Variants in UGT1A6 observed in about 807,000 individuals in gnomAD.
UGT1A6 encodes the protein UDP glucuronosyltransferase family 1 member A6, also known as UDP-glucuronosyltransferase 1A6.
Under a neutral mutation model 44.4 loss-of-function variants are expected in UGT1A6, and 32 were observed. The observed-to-expected ratio is 0.72, with a 90% CI of 0.54 to 0.97. The LOEUF is 0.97. Among genes scored for constraint, UGT1A6 ranks in the 50% least tolerant of loss-of-function variants. The probability of loss-of-function intolerance (pLI) is 0.00; values close to 1 mark genes in which losing one functional copy is unlikely to be tolerated. For missense variants in UGT1A6, 685 were observed against 661.9 expected (o/e 1.03, Z -0.38); for synonymous variants, 238 against 248.5 (o/e 0.96, Z 0.40).
chr2:233,708,355 T>C (rs1440187432), intron 1 of UGT1A6: 1 of 152,252 alleles, frequency 6.6e-6, no homozygotes, highest in African/African-American at 2.4e-5. Flanking sequence ...ATTTCCCTTA[T>C]TAATTCTTCA....
intron 1 of UGT1A6, among the ~76,000 whole-genome samples, chr2:233,766,364 G>C (rs1381103193): frequency 6.6e-6 from 1 of 152,144 alleles, no homozygotes; most frequent in Non-Finnish European, 1.5e-5. Flanking sequence ...GTGCCTGTTG[G>C]TGAGTTCTTC....
At chr2:233,692,792 T>C, upstream of UGT1A6, 3 of 1,374,468 alleles carry the variant, frequency 2.2e-6, no homozygotes, top group Non-Finnish European at 9.4e-7. Context: ...AGGTGAAAGC[T>C]GACACGGCCA....
intron 1 of UGT1A6, chr2:233,761,093 T>G: frequency 6.2e-7 from 1 of 1,614,222 alleles, no homozygotes; most frequent in Non-Finnish European, 8.5e-7. Flanking sequence ...AGGCCCATCA[T>G]GCCCAATATG....
chr2:233,695,475 G>C (rs1417810733), intron 1 of UGT1A6, among the ~76,000 whole-genome samples: 1 of 151,104 alleles, frequency 6.6e-6, no homozygotes, highest in Non-Finnish European at 1.5e-5. Flanking sequence ...CCCTTTAGAT[G>C]TTTTTCTCTT....
chr2:233,753,853 A>G (rs1695329798), intron 1 of UGT1A6, among the ~76,000 whole-genome samples: 1 of 152,184 alleles, frequency 6.6e-6, no homozygotes, highest in Non-Finnish European at 1.5e-5. Flanking sequence ...TCATTGACCA[A>G]CCACATAACC....
chr2:233,701,749 G>A (rs1406078090), intron 1 of UGT1A6, among the ~76,000 whole-genome samples: 1 of 152,128 alleles, frequency 6.6e-6, no homozygotes, highest in Admixed American at 6.5e-5. Flanking sequence ...TAACTACTGG[G>A]TACATAACGA....
At chr2:233,699,964 G>C (rs985933821) in intron 1 of UGT1A6, among the ~76,000 whole-genome samples, 1 of 152,126 alleles carries the variant, frequency 6.6e-6, no homozygotes, top group Non-Finnish European at 1.5e-5. Flanking sequence ...AAAAATACCC[G>C]TCCCCCAACT....
chr2:233,768,231 A>T lies in UGT1A6; in HGVS notation c.1093A>T (p.Thr365Ser). ...PQNDLLGHPM[T>S]RAFITHAGSH... ...ATTTTGCATCTCAGGTCACCCGATG[A>T]CCCGTGCCTTTATCACCCATGCTGG... The change falls in exon 4 of 5, where the codon ACC (threonine) becomes TCC (serine). Residue 365 changes from threonine to serine, a missense_variant. Physicochemically the swap from Thr to Ser is moderately conservative, Grantham distance 58. Coordinates refer to ENST00000305139, the MANE Select transcript of UGT1A6 (RefSeq NM_001072.4). 1 of 1,614,162 alleles carries T rather than the reference A, an allele frequency of 6.2e-7. No individual in the cohort carries two copies. Among genetic ancestry groups the T allele is most frequent in the Middle Eastern group, 1.6e-4 (1 of 6,062 alleles).
chr2:233,694,649 T>G (rs1417184018), intron 1 of UGT1A6, among the ~76,000 whole-genome samples: 3 of 152,220 alleles, frequency 2.0e-5, no homozygotes, highest in African/African-American at 7.2e-5. Context: ...TTCCAGTTCC[T>G]TTTTTATCAG....
chr2:233,760,379 T>G lies in UGT1A6; in HGVS notation c.862-6655T>G. On this transcript the variant is annotated intron_variant, in intron 1 of 4. Transcript: ENST00000305139. Reference sequence around the variant, plus strand: ...GTGGTGTCCCATGCTGGGAAGATACTGTTGATCCCAGTGGATGGCAGCCAC... The same window carrying G: ...GTGGTGTCCCATGCTGGGAAGATACGGTTGATCCCAGTGGATGGCAGCCAC... 6.2e-7 allele frequency: 1 copy of G among 1,614,196 alleles called. No homozygotes were observed. Among genetic ancestry groups the G allele is most frequent in the Non-Finnish European group, 8.5e-7 (1 of 1,180,016 alleles).
In UGT1A6 at chr2:233,713,489, G is replaced by A. The variant is rs17868332; in HGVS notation, c.861+19624G>A. On this transcript the variant is annotated intron_variant, in intron 1 of 4. Transcript: ENST00000305139. ...CGGCGGTGCTGGCTAAGTACCTGTC[G>A]ATTCCTGCTGTGTTTTTCTTGAGGA... 26 of 1,613,820 alleles carry A rather than the reference G, an allele frequency of 1.6e-5. No individual in the cohort carries two copies. In the Admixed American group the frequency reaches 2.0e-4, roughly 12 times the overall value.
At chr2:233,763,025 C>T (rs532955500) in intron 1 of UGT1A6, among the ~76,000 whole-genome samples, 9 of 152,224 alleles carry the variant, frequency 5.9e-5, no homozygotes, top group African/African-American at 2.2e-4. Context: ...ATTATGTTAG[C>T]CATTGTTTTC....
In UGT1A6 at chr2:233,710,287, G is replaced by A. The variant is rs1349659721; in HGVS notation, c.861+16422G>A. On this transcript the variant is annotated intron_variant, in intron 1 of 4. Coordinates refer to ENST00000305139, the MANE Select transcript of UGT1A6 (RefSeq NM_001072.4). ...TTTTCTTGGGTAAATACTTAAAAGT[G>A]GGATTGTTGGGTTGCATGGTAGGTG... is the stretch of plus-strand genomic sequence containing the variant. Among the ~76,000 whole-genome samples, 3 of 152,190 alleles carry A rather than the reference G, an allele frequency of 2.0e-5. No homozygotes were observed. In the East Asian group the frequency reaches 5.8e-4, roughly 29 times the overall value.
At chr2:233,765,924 G>C (rs1285485148) in intron 1 of UGT1A6, among the ~76,000 whole-genome samples, 1 of 152,060 alleles carries the variant, frequency 6.6e-6, no homozygotes, top group East Asian at 1.9e-4. Context: ...GCATACAGAC[G>C]GGCAGGTTGT....
chr2:233,752,472 A>C (rs185071344), intron 1 of UGT1A6: 1 of 152,238 alleles, frequency 6.6e-6, no homozygotes, highest in Non-Finnish European at 1.5e-5. Context: ...GGCCTCTAGC[A>C]GTGTTATGTT....
chr2:233,733,086 T>G (rs2078354195), intron 1 of UGT1A6, among the ~76,000 whole-genome samples: 1 of 152,184 alleles, frequency 6.6e-6, no homozygotes, highest in Admixed American at 6.5e-5. Flanking sequence ...TGAATGGGAG[T>G]TCACTCATGG....
At chr2:233,729,994 G>T in intron 1 of UGT1A6, 10 of 1,613,954 alleles carry the variant, frequency 6.2e-6, no homozygotes, top group African/African-American at 1.3e-5. Context: ...ACTATCTCAG[G>T]TCTGTATTGG....
chr2:233,722,240 A>G (rs538416824), intron 1 of UGT1A6, among the ~76,000 whole-genome samples: 40 of 152,326 alleles, frequency 2.6e-4, no homozygotes, highest in Middle Eastern at 6.8e-3. Flanking sequence ...ATCATGTATT[A>G]TCTGTGACAG....
chr2:233,713,587 C>T (rs553041215), intron 1 of UGT1A6: 7 of 1,613,978 alleles, frequency 4.3e-6, no homozygotes, highest in East Asian at 2.2e-5. Context: ...AGATTACTAA[C>T]GACCAATTCA....
Sources: gnomAD v4.1 joint callset for allele counts (sites outside exome capture counted in the v4.1 genomes callset) on GRCh38, gnomAD v4.1.1 for gene constraint, MANE v1.5 for transcripts, NCBI Gene and HGNC (gene_info 2026-07-23, HGNC 2026-07-21) for gene names.